The following HIVEP3 variants were observed in gnomAD, a reference collection of about 807,000 sequenced individuals.
HIVEP3 encodes HIVEP zinc finger 3, also known as transcription factor HIVEP3.
In HIVEP3, 49 loss-of-function variants were observed where a neutral mutation model predicts 152.8. The observed-to-expected ratio is 0.32, with a 90% CI of 0.26 to 0.41. The LOEUF is 0.41. Ranked by LOEUF, HIVEP3 falls within the 10% of genes least tolerant of loss-of-function variation. The probability of loss-of-function intolerance (pLI) is 1.00; values close to 1 mark genes in which losing one functional copy is unlikely to be tolerated. For missense variants in HIVEP3, 2,790 were observed against 3,103.3 expected (o/e 0.90, Z 2.40); for synonymous variants, 1,269 against 1,289.0 (o/e 0.98, Z 0.33).
At chr1:41,964,047 G>C (rs1481921222) in intron 1 of HIVEP3, among the ~76,000 whole-genome samples, 1 of 152,212 alleles carries the variant, frequency 6.6e-6, no homozygotes, top group Non-Finnish European at 1.5e-5. Context: ...TTCAGAATTT[G>C]ACCTTATTTG....
At chr1:41,849,145 G>C (rs551657085) in intron 1 of HIVEP3, 4 of 152,264 alleles carry the variant, frequency 2.6e-5, no homozygotes, top group African/African-American at 9.6e-5. Context: ...TGGACCATCT[G>C]GTCACCTCAT....
At chr1:41,857,751 G>C (rs1643807736) in intron 1 of HIVEP3, among the ~76,000 whole-genome samples, 1 of 152,224 alleles carries the variant, frequency 6.6e-6, no homozygotes, top group African/African-American at 2.4e-5. Flanking sequence ...CAGAAGGAAA[G>C]AGGTAGGGGT....
At position 41,697,523 on chromosome 1, in the gene HIVEP3, T is replaced by C. The variant is rs111668012; in HGVS notation, c.-721+3393A>G. Among the ~76,000 whole-genome samples the C allele has an allele frequency of 6.5e-3, 986 of 152,278 alleles. 14 individuals are homozygous for C. The highest frequency in any genetic ancestry group is 0.023 in the African/African-American group (941 of 41,552). ...TGAGAGGATGGGTAACAAATCATGA[T>C]GTGGGGGCACAAAAGGCACAGCAAA... On this transcript the variant is annotated intron_variant, in intron 2 of 8. Coordinates refer to ENST00000372583, the MANE Select transcript of HIVEP3 (RefSeq NM_024503.5).
At chr1:41,717,243 C>A (rs141118744) in intron 1 of HIVEP3, among the ~76,000 whole-genome samples, 1 of 152,236 alleles carries the variant, frequency 6.6e-6, no homozygotes, top group African/African-American at 2.4e-5. Context: ...CATTTTCCGA[C>A]GCTCTTTCCC....
At chr1:41,547,538 T>G (rs1477055005) in intron 5 of HIVEP3, among the ~76,000 whole-genome samples, 1 of 151,944 alleles carries the variant, frequency 6.6e-6, no homozygotes, top group Non-Finnish European at 1.5e-5. Context: ...AGGGAATGGC[T>G]TGGCTGGTAG....
At chr1:41,853,293 T>C (rs1286709041) in intron 1 of HIVEP3, among the ~76,000 whole-genome samples, 1 of 152,174 alleles carries the variant, frequency 6.6e-6, no homozygotes, top group African/African-American at 2.4e-5. Flanking sequence ...AAGGACATAC[T>C]GAGACTGGGT....
chr1:42,003,671 G>T (rs1645441582), intron 1 of HIVEP3, among the ~76,000 whole-genome samples: 1 of 151,894 alleles, frequency 6.6e-6, no homozygotes, highest in African/African-American at 2.4e-5. Flanking sequence ...TTGAGTTCAA[G>T]AACCTCCAGA....
intron 1 of HIVEP3, among the ~76,000 whole-genome samples, chr1:42,025,661 C>G (rs190994164): frequency 6.6e-6 from 1 of 152,346 alleles, no homozygotes; most frequent in Non-Finnish European, 1.5e-5. Context: ...TGCCAGGTAT[C>G]TGGGAGTGGG....
intron 1 of HIVEP3, among the ~76,000 whole-genome samples, chr1:41,870,838 A>C (rs1481872106): frequency 6.6e-6 from 1 of 152,198 alleles, no homozygotes; most frequent in Admixed American, 6.5e-5. Flanking sequence ...TATCTGGGTT[A>C]GGGTCTTGAC....
intron 1 of HIVEP3, among the ~76,000 whole-genome samples, chr1:41,857,394 T>A (rs1643797205): frequency 6.6e-6 from 1 of 152,016 alleles, no homozygotes; most frequent in South Asian, 2.1e-4. Context: ...ACCAGTAAAA[T>A]ATCAAGGGTC....
intron 2 of HIVEP3, among the ~76,000 whole-genome samples, chr1:41,668,301 C>T (rs1406211809): frequency 1.3e-5 from 2 of 152,238 alleles, no homozygotes; most frequent in Non-Finnish European, 2.9e-5. Flanking sequence ...GCAGTGAATG[C>T]TGCCGAAGAC....
At chr1:41,628,604 A>G in intron 3 of HIVEP3, 145 bp downstream of exon 3, 1 of 649,252 alleles carries the variant, frequency 1.5e-6, no homozygotes, top group Non-Finnish European at 2.2e-6. Context: ...CTTTCACAAC[A>G]ACTTTCACAG....
intron 2 of HIVEP3, among the ~76,000 whole-genome samples, chr1:41,635,026 C>T (rs1023895599): frequency 6.6e-6 from 1 of 152,022 alleles, no homozygotes; most frequent in Non-Finnish European, 1.5e-5. Flanking sequence ...ACCTTTTTCT[C>T]AAATGTCCCT....
At chr1:41,634,216 A>C (rs578185761) in intron 2 of HIVEP3, among the ~76,000 whole-genome samples, 2 of 152,342 alleles carry the variant, frequency 1.3e-5, no homozygotes, top group East Asian at 3.9e-4. Context: ...GATATCCAAG[A>C]AACAGGGAGA....
intron 1 of HIVEP3, among the ~76,000 whole-genome samples, chr1:42,015,688 T>C (rs1645517936): frequency 6.6e-6 from 1 of 152,248 alleles, no homozygotes; most frequent in Admixed American, 6.5e-5. Flanking sequence ...AACCAGACTG[T>C]AGCAAATCAA....
chr1:41,742,442 G>A (rs572136022), intron 1 of HIVEP3, among the ~76,000 whole-genome samples: 1 of 152,330 alleles, frequency 6.6e-6, no homozygotes, highest in Admixed American at 6.5e-5. Context: ...GGTCGGATGT[G>A]GAGAGGAAGA....
chr1:42,026,699 A>T (rs1315043840), intron 1 of HIVEP3, among the ~76,000 whole-genome samples: 1 of 152,122 alleles, frequency 6.6e-6, no homozygotes, highest in Non-Finnish European at 1.5e-5. Context: ...CCACAGAGAC[A>T]GAGTACTTCC....
intron 5 of HIVEP3, among the ~76,000 whole-genome samples, chr1:41,526,517 T>A (rs111068048): frequency 0.02 from 1,614 of 80,930 alleles, 76 homozygotes; most frequent in African/African-American, 0.078. Flanking sequence ...GCCGTCACAC[T>A]TGCCCTCACA....
chr1:41,562,571 T>C (rs923654522), intron 5 of HIVEP3, among the ~76,000 whole-genome samples: 4 of 149,730 alleles, frequency 2.7e-5, no homozygotes, highest in South Asian at 2.2e-4. Context: ...CCTTCTTTCC[T>C]TCTTTTCCTT....
Sources: allele counts gnomAD v4.1 joint callset (sites outside exome capture counted in the v4.1 genomes callset), GRCh38; gene constraint gnomAD v4.1.1; transcripts MANE v1.5; gene names NCBI Gene and HGNC (gene_info 2026-07-23, HGNC 2026-07-21).